The following EEIG2 variants were observed in gnomAD, a reference collection of about 807,000 sequenced individuals.
The protein encoded by EEIG2 is EEIG family member 2, also known as family with sequence similarity 102 member B.
At chr1:108,570,295 T>G in the EEIG2 span, among the ~76,000 whole-genome samples, 7 of 151,834 alleles carry the variant, frequency 4.6e-5, no homozygotes, top group African/African-American at 1.7e-4. Context: ...GAGGGCACAG[T>G]GGGTAGAGTG....
At chr1:108,572,654 C>T in the EEIG2 span, among the ~76,000 whole-genome samples, 22 of 152,078 alleles carry the variant, frequency 1.4e-4, no homozygotes, top group Admixed American at 2.6e-4. Flanking sequence ...CTCGCCCTGT[C>T]GCCCAGGCTG....
the EEIG2 span, among the ~76,000 whole-genome samples, chr1:108,622,412 T>TC: frequency 6.6e-6 from 1 of 152,050 alleles, no homozygotes; most frequent in Non-Finnish European, 1.5e-5. Context: ...AAAACTCAAG[T>TC]AATTAGTGGA....
the EEIG2 span, among the ~76,000 whole-genome samples, chr1:108,632,111 C>CAAAAAA: frequency 4.6e-5 from 3 of 65,380 alleles, no homozygotes; most frequent in African/African-American, 1.4e-4. Context: ...GAGACTGTCT[C>CAAAAAA]AAAAAAAAAA....
the EEIG2 span, among the ~76,000 whole-genome samples, chr1:108,592,232 A>G: frequency 6.6e-6 from 1 of 152,244 alleles, no homozygotes. Flanking sequence ...AACACAGGCA[A>G]GAATTGGTAG....
At chr1:108,610,790 C>G in the EEIG2 span, among the ~76,000 whole-genome samples, 1 of 152,088 alleles carries the variant, frequency 6.6e-6, no homozygotes, top group African/African-American at 2.4e-5. Flanking sequence ...AAAAATTAGC[C>G]AGGCGTGGTG....
the EEIG2 span, chr1:108,600,444 T>G: frequency 3.5e-6 from 4 of 1,151,594 alleles, no homozygotes; most frequent in East Asian, 2.5e-5. Context: ...GCTACACTGT[T>G]TACAAATACT....
At chr1:108,623,856 G>T in the EEIG2 span, among the ~76,000 whole-genome samples, 1 of 151,984 alleles carries the variant, frequency 6.6e-6, no homozygotes, top group African/African-American at 2.4e-5. Context: ...ATTTTTAGTA[G>T]AGACTGGGTT....
the EEIG2 span, among the ~76,000 whole-genome samples, chr1:108,591,267 A>G: frequency 1.3e-5 from 2 of 152,158 alleles, no homozygotes; most frequent in African/African-American, 4.8e-5. Flanking sequence ...TGTTTGTTTC[A>G]TTTGGACAGC....
At chr1:108,620,042 A>G in the EEIG2 span, among the ~76,000 whole-genome samples, 1 of 152,180 alleles carries the variant, frequency 6.6e-6, no homozygotes, top group Non-Finnish European at 1.5e-5. Context: ...CAGTTTTAAA[A>G]GTGTTGGTGT....
the EEIG2 span, among the ~76,000 whole-genome samples, chr1:108,611,345 A>G: frequency 2.0e-5 from 3 of 152,218 alleles, no homozygotes; most frequent in Non-Finnish European, 4.4e-5. Context: ...AAATGATACA[A>G]TGAGGTTGAT....
At chr1:108,603,357 A>C in the EEIG2 span, among the ~76,000 whole-genome samples, 1 of 152,204 alleles carries the variant, frequency 6.6e-6, no homozygotes, top group African/African-American at 2.4e-5. Flanking sequence ...ACCAAAGAGG[A>C]GGGGCCTTGA....
At chr1:108,624,432 TAA>T in the EEIG2 span, among the ~76,000 whole-genome samples, 21 of 89,502 alleles carry the variant, frequency 2.3e-4, no homozygotes, top group East Asian at 3.5e-4. Flanking sequence ...CTTGTTATGT[TAA>T]AAAAAAAAAA....
the EEIG2 span, among the ~76,000 whole-genome samples, chr1:108,606,871 C>T: frequency 4.6e-5 from 7 of 152,038 alleles, no homozygotes; most frequent in African/African-American, 1.7e-4. Context: ...CTATGTTACC[C>T]AGGCTAGTCT....
chr1:108,599,943 C>T, the EEIG2 span, among the ~76,000 whole-genome samples: 75 of 152,162 alleles, frequency 4.9e-4, no homozygotes, highest in African/African-American at 1.7e-3. Flanking sequence ...TTGCAGTGAG[C>T]GGAGATCACA....
At chr1:108,620,494 A>T in the EEIG2 span, among the ~76,000 whole-genome samples, 1 of 152,204 alleles carries the variant, frequency 6.6e-6, no homozygotes, top group Admixed American at 6.5e-5. Flanking sequence ...CTAATAAAGA[A>T]AAAAGATATT....
the EEIG2 span, among the ~76,000 whole-genome samples, chr1:108,613,642 C>T: frequency 1.3e-5 from 2 of 152,092 alleles, no homozygotes; most frequent in Non-Finnish European, 2.9e-5. Context: ...GCCATTCAGT[C>T]ATAACACTCT....
the EEIG2 span, among the ~76,000 whole-genome samples, chr1:108,629,224 T>C: frequency 6.6e-6 from 1 of 152,192 alleles, no homozygotes; most frequent in East Asian, 1.9e-4. Context: ...TGAAAATTTG[T>C]ATGCCACCAA....
chr1:108,592,779 A>G, the EEIG2 span, among the ~76,000 whole-genome samples: 1 of 152,226 alleles, frequency 6.6e-6, no homozygotes, highest in African/African-American at 2.4e-5. Flanking sequence ...GACTTAGTCT[A>G]TGTCAGTTAG....
the EEIG2 span, chr1:108,638,852 A>G: frequency 2.2e-4 from 34 of 152,238 alleles, no homozygotes; most frequent in African/African-American, 8.0e-4. Context: ...TAATATATAC[A>G]CAGTATATTT....
Sources: gnomAD v4.1 joint callset for allele counts (sites outside exome capture counted in the v4.1 genomes callset) on GRCh38, gnomAD v4.1.1 for gene constraint, MANE v1.5 for transcripts, NCBI Gene and HGNC (gene_info 2026-07-23, HGNC 2026-07-21) for gene names.